The following PON1 variants were observed in gnomAD, a reference collection of about 807,000 sequenced individuals.
PON1 encodes the protein serum paraoxonase/arylesterase 1.
A neutral mutation model predicts 39.2 loss-of-function variants in PON1; 37 were observed. The observed-to-expected ratio is 0.94, with a 90% CI of 0.73 to 1.24. The LOEUF (loss-of-function observed/expected upper bound fraction) is 1.24, where lower values mean the gene tolerates loss of function less well. PON1 is among the 50% of genes most tolerant of loss of function. The probability of loss-of-function intolerance (pLI) is 0.00; values close to 1 mark genes in which losing one functional copy is unlikely to be tolerated. For synonymous variants in PON1, 148 were observed against 152.2 expected, an observed-to-expected ratio of 0.97 and a Z score of 0.21; for missense variants, 397 against 413.5, an observed-to-expected ratio of 0.96 and a Z score of 0.35.
At chr7:95,307,093 C>G (rs1028388014) in intron 6 of PON1, among the ~76,000 whole-genome samples, 1 of 149,368 alleles carries the variant, frequency 6.7e-6, no homozygotes, top group Non-Finnish European at 1.5e-5. Context: ...CAGAGTCTTG[C>G]TCTGTCACCC....
intron 1 of PON1, among the ~76,000 whole-genome samples, chr7:95,320,712 C>G (rs1362304778): frequency 6.6e-6 from 1 of 152,204 alleles, no homozygotes; most frequent in Non-Finnish European, 1.5e-5. Context: ...AAAATTGACC[C>G]ACCTGTGTTA....
At position 95,318,365 on chromosome 7, in the gene PON1, G is replaced by A. The variant is rs1193411891; in HGVS notation, c.103C>T (p.Gln35Ter). 1.9e-6 allele frequency: 3 copies of A among 1,609,760 alleles called. No individual in the cohort carries two copies. ...TTACAGTTAGGAAGTTCTACGGGTT[G>A]TACCTCTCGGAGAGCATTAAGTCGT... The part of the protein sequence containing the change: ...QTRLNALREV[Q>*]PVELPNCNLV... Residue 35 changes from glutamine to a stop codon, truncating the protein, a stop_gained, in exon 2 of 9, where the codon CAA becomes TAA. Coordinates refer to ENST00000222381, the MANE Select transcript of PON1 (RefSeq NM_000446.7). LOFTEE classifies it high-confidence loss of function.
chr7:95,321,650 A>T (rs1807901343), intron 1 of PON1, among the ~76,000 whole-genome samples: 1 of 152,204 alleles, frequency 6.6e-6, no homozygotes, highest in African/African-American at 2.4e-5. Flanking sequence ...TTAAGAGGGT[A>T]GAGTTGGGAT....
At chr7:95,300,103 G>A (rs1807388712) in intron 8 of PON1, among the ~76,000 whole-genome samples, 1 of 152,192 alleles carries the variant, frequency 6.6e-6, no homozygotes, top group South Asian at 2.1e-4. Flanking sequence ...ACTTAATTGA[G>A]GAGAAATGTG....
intron 5 of PON1, among the ~76,000 whole-genome samples, chr7:95,310,814 T>G (rs997071648): frequency 1.3e-5 from 2 of 152,224 alleles, no homozygotes; most frequent in Non-Finnish European, 2.9e-5. Flanking sequence ...TAGAGTCGGA[T>G]TGTTCTCCTA....
intron 2 of PON1, among the ~76,000 whole-genome samples, chr7:95,317,582 A>G (rs1807797438): frequency 7.2e-6 from 1 of 138,630 alleles, no homozygotes; most frequent in African/African-American, 2.6e-5. Context: ...ACAAAAAAAA[A>G]AAAAAAAAAA....
chr7:95,314,246 G>A (rs1327020912), intron 4 of PON1, among the ~76,000 whole-genome samples: 1 of 152,072 alleles, frequency 6.6e-6, no homozygotes. Context: ...TGTGGTCCCC[G>A]CTACTCAGGA....
At chr7:95,307,377 T>G (rs1186699102) in intron 6 of PON1, among the ~76,000 whole-genome samples, 2 of 152,190 alleles carry the variant, frequency 1.3e-5, no homozygotes, top group Non-Finnish European at 2.9e-5. Context: ...TAAGCATATG[T>G]TACGGACTCT....
At position 95,298,977 on chromosome 7, in the gene PON1, T is replaced by TG; in HGVS notation, c.1034dup (p.Val346SerfsTer9). The TG allele has an allele frequency of 6.2e-7, 1 of 1,614,184 alleles. No individual in the cohort carries two copies. The highest frequency in any genetic ancestry group is 8.5e-7 in the Non-Finnish European group (1 of 1,180,026). On this transcript the variant is annotated frameshift_variant, in exon 9 of 9. Transcript: ENST00000222381. LOFTEE classifies it high-confidence loss of function. ...CACAGTAAAGAGCTTTGTGAAACAC[T>TG]GTGCCAATCAGCAGTTTCCCTTTGT...
chr7:95,315,927 C>T (rs547907276), intron 3 of PON1, among the ~76,000 whole-genome samples: 1 of 152,162 alleles, frequency 6.6e-6, no homozygotes, highest in African/African-American at 2.4e-5. Flanking sequence ...AGGAACTACT[C>T]CTTTCTTAGC....
Position 95,312,663 on chromosome 7 carries a change from A to G in PON1, c.371-1086T>C, listed in dbSNP as rs143773842. Among the ~76,000 whole-genome samples the G allele has an allele frequency of 5.6e-4, 85 of 152,350 alleles. No homozygotes were observed. The East Asian group carries it at 0.014, about 26-fold the overall frequency. ...GAACGAATAATGTGGATATCTAGGG[A>G]AAGAGCATTCCAGGTTGAGGGGAGA... On this transcript the variant is annotated intron_variant, in intron 4 of 8. Transcript: ENST00000222381.
intron 1 of PON1, among the ~76,000 whole-genome samples, chr7:95,319,782 A>T (rs1462601117): frequency 2.6e-5 from 4 of 152,204 alleles, no homozygotes; most frequent in Non-Finnish European, 5.9e-5. Context: ...AACTTTTCAG[A>T]CAGAGACTCA....
At chr7:95,299,342 T>C (rs1382506025) in intron 8 of PON1, among the ~76,000 whole-genome samples, 1 of 152,062 alleles carries the variant, frequency 6.6e-6, no homozygotes, top group Non-Finnish European at 1.5e-5. Context: ...AGGCAGGAAA[T>C]GCAAATGAGC....
intron 7 of PON1, 109 bp from the exon 8 acceptor site, chr7:95,302,442 CT>C: frequency 7.6e-6 from 7 of 924,564 alleles, no homozygotes; most frequent in Non-Finnish European, 1.2e-5. Flanking sequence ...CACCACGCTG[CT>C]GCTTCCAAGG....
intron 2 of PON1, among the ~76,000 whole-genome samples, chr7:95,317,613 A>G (rs550381467): frequency 2.0e-5 from 3 of 151,478 alleles, no homozygotes; most frequent in East Asian, 3.9e-4. Context: ...AGAAACACCC[A>G]AAGCACACAA....
intron 1 of PON1, among the ~76,000 whole-genome samples, chr7:95,322,654 A>G (rs3917477): frequency 0.074 from 11,201 of 152,248 alleles, 622 homozygotes; most frequent in African/African-American, 0.14. Flanking sequence ...GGAAGTTGCC[A>G]TACAGATGCT....
intron 8 of PON1, among the ~76,000 whole-genome samples, chr7:95,300,980 GTTTC>G (rs933904252): frequency 1.3e-5 from 2 of 150,994 alleles, no homozygotes; most frequent in African/African-American, 4.9e-5. Context: ...ATACACATTT[GTTTC>G]TTTTTTTTTT....
At chr7:95,307,875 CAT>C in intron 6 of PON1, 134 bp downstream of exon 6, 2 of 908,580 alleles carry the variant, frequency 2.2e-6, no homozygotes, top group Non-Finnish European at 3.4e-6. Flanking sequence ...AAAATTAAGA[CAT>C]TTTACATTTT....
chr7:95,321,684 A>G (rs1055041106), intron 1 of PON1, among the ~76,000 whole-genome samples: 2 of 152,274 alleles, frequency 1.3e-5, no homozygotes, highest in African/African-American at 4.8e-5. Flanking sequence ...TCATGATACT[A>G]AGGACTCTTC....
Sources: allele counts gnomAD v4.1 joint callset (sites outside exome capture counted in the v4.1 genomes callset), GRCh38; gene constraint gnomAD v4.1.1; transcripts MANE v1.5; gene names NCBI Gene and HGNC (gene_info 2026-07-23, HGNC 2026-07-21).